The following SYT1 variants were observed in gnomAD, a reference collection of about 807,000 sequenced individuals.
The protein encoded by SYT1 is synaptotagmin 1.
SYT1 carries 8 observed loss-of-function variants against 44.8 expected under a neutral mutation model. The ratio of observed to expected loss-of-function variants is 0.18; its 90% CI spans 0.10 to 0.32. The LOEUF is 0.32. Among genes scored for constraint, SYT1 ranks in the 10% least tolerant of loss-of-function variants. The pLI, the probability that SYT1 is intolerant of heterozygous loss-of-function variation, is 1.00. For missense variants in SYT1, 286 were observed against 509.3 expected (o/e 0.56, Z 4.22); for synonymous variants, 154 against 188.8 (o/e 0.82, Z 1.51).
rs189687362 is a variant in SYT1 at position 79,026,766 on chromosome 12, T to C, written c.-83-20531T>C. On this transcript the variant is annotated intron_variant, in intron 2 of 10. Transcript: ENST00000261205. ...GGTTGTTTCCATTTCTTAGCTATTGTGAATAATGCTGCAAGAAATATGAAG... is the reference window on the plus strand; with the variant it reads ...GGTTGTTTCCATTTCTTAGCTATTGCGAATAATGCTGCAAGAAATATGAAG... Among the ~76,000 whole-genome samples, 309 of 148,262 alleles carry C rather than the reference T, an allele frequency of 2.1e-3. 3 individuals are homozygous for C. The highest frequency in any genetic ancestry group is 7.4e-3 in the African/African-American group (302 of 40,634).
intron 8 of SYT1, among the ~76,000 whole-genome samples, chr12:79,336,427 C>G (rs1171688227): frequency 1.3e-5 from 2 of 152,156 alleles, no homozygotes; most frequent in African/African-American, 4.8e-5. Context: ...TTCTCTTCCT[C>G]AAGCTTCTTT....
chr12:79,388,426 G>T (rs1884523750), intron 9 of SYT1, among the ~76,000 whole-genome samples: 2 of 152,158 alleles, frequency 1.3e-5, no homozygotes, highest in Admixed American at 1.3e-4. Flanking sequence ...CAGTCACAGT[G>T]GCTCACATCT....
At chr12:79,326,447 G>A (rs1881610048) in intron 8 of SYT1, among the ~76,000 whole-genome samples, 1 of 152,236 alleles carries the variant, frequency 6.6e-6, no homozygotes, top group Admixed American at 6.5e-5. Flanking sequence ...AGAGCAGCCA[G>A]CTGCAAGCAT....
intron 4 of SYT1, among the ~76,000 whole-genome samples, chr12:79,237,276 G>A (rs1464208718): frequency 2.0e-5 from 3 of 152,170 alleles, no homozygotes; most frequent in African/African-American, 7.2e-5. Context: ...TGGACAATAC[G>A]AGAAAGAGTT....
chr12:79,382,624 G>A (rs1390761306), intron 9 of SYT1, among the ~76,000 whole-genome samples: 2 of 152,100 alleles, frequency 1.3e-5, no homozygotes, highest in Non-Finnish European at 2.9e-5. Flanking sequence ...ACAAAAATGC[G>A]ATAGTGTACA....
At chr12:79,322,873 G>A (rs889249698) in intron 8 of SYT1, among the ~76,000 whole-genome samples, 14 of 152,114 alleles carry the variant, frequency 9.2e-5, no homozygotes, top group African/African-American at 3.4e-4. Context: ...AACCCAGTAA[G>A]ACCCTCCTGA....
chr12:79,215,354 A>G (rs1476925162), intron 3 of SYT1, among the ~76,000 whole-genome samples: 1 of 152,194 alleles, frequency 6.6e-6, no homozygotes, highest in Non-Finnish European at 1.5e-5. Context: ...AATATGCCAG[A>G]CACTATGCTA....
chr12:78,987,980 A>G (rs1869767160), intron 2 of SYT1, among the ~76,000 whole-genome samples: 1 of 152,104 alleles, frequency 6.6e-6, no homozygotes, highest in Non-Finnish European at 1.5e-5. Flanking sequence ...AGGTAATGGA[A>G]CTGTGGAGGG....
At chr12:79,009,993 C>T (rs778185420) in intron 2 of SYT1, among the ~76,000 whole-genome samples, 1 of 152,102 alleles carries the variant, frequency 6.6e-6, no homozygotes, top group African/African-American at 2.4e-5. Flanking sequence ...TTCTTACTTG[C>T]CTTTCAGTGT....
intron 3 of SYT1, among the ~76,000 whole-genome samples, chr12:79,182,318 T>C (rs1219695297): frequency 6.6e-6 from 1 of 152,066 alleles, no homozygotes. Context: ...CTGTGATTTT[T>C]TGGGACACTT....
intron 2 of SYT1, among the ~76,000 whole-genome samples, chr12:79,017,882 C>T (rs1170786854): frequency 6.6e-6 from 1 of 151,878 alleles, no homozygotes. Context: ...ATGGCATGGT[C>T]CAGGCCAAAG....
chr12:79,185,114 T>C (rs1206514813), intron 3 of SYT1, among the ~76,000 whole-genome samples: 2 of 152,080 alleles, frequency 1.3e-5, no homozygotes, highest in Non-Finnish European at 2.9e-5. Flanking sequence ...GGAGCACTAG[T>C]TATGCTCAGA....
At chr12:78,892,745 G>A (rs12580819) in intron 1 of SYT1, among the ~76,000 whole-genome samples, 1 of 151,622 alleles carries the variant, frequency 6.6e-6, no homozygotes, top group East Asian at 1.9e-4. Context: ...ATTTAATTTA[G>A]CAATACATTA....
intron 8 of SYT1, among the ~76,000 whole-genome samples, chr12:79,316,859 A>T (rs1202697963): frequency 1.3e-5 from 2 of 152,188 alleles, no homozygotes; most frequent in African/African-American, 4.8e-5. Context: ...TTTGCACATC[A>T]CAGTAATTAG....
chr12:79,174,548 G>T (rs1871742013), intron 3 of SYT1, among the ~76,000 whole-genome samples: 2 of 151,998 alleles, frequency 1.3e-5, no homozygotes. Context: ...TGATTTATGA[G>T]ACACTAGCAA....
chr12:78,997,831 T>C (rs1309019453), intron 2 of SYT1, among the ~76,000 whole-genome samples: 1 of 152,156 alleles, frequency 6.6e-6, no homozygotes, highest in Admixed American at 6.5e-5. Flanking sequence ...AGCAGCCTCA[T>C]GGAAAGAGAA....
rs371338639 is a variant in SYT1 at position 79,155,580 on chromosome 12, G to A, written c.-17-61923G>A. On this transcript the variant is annotated intron_variant, in intron 3 of 10. Coordinates refer to ENST00000261205, the MANE Select transcript of SYT1 (RefSeq NM_005639.3). ...TAAAATCTGTGAGTAATTTAGTAGT[G>A]TCCTAGATTCACAGTGATGTCCCTA... is the stretch of plus-strand genomic sequence containing the variant. 2.0e-5 allele frequency among the ~76,000 whole-genome samples: 3 copies of A among 152,314 alleles called. No homozygotes were observed. The South Asian group carries it at 6.2e-4, about 32-fold the overall frequency.
chr12:79,081,967 T>G (rs1270672885), intron 3 of SYT1, among the ~76,000 whole-genome samples: 2 of 152,034 alleles, frequency 1.3e-5, no homozygotes, highest in African/African-American at 4.8e-5. Flanking sequence ...CAAAAATATA[T>G]AGAAAAAATA....
intron 9 of SYT1, among the ~76,000 whole-genome samples, chr12:79,431,812 G>T (rs1869806946): frequency 6.6e-6 from 1 of 152,128 alleles, no homozygotes; most frequent in Admixed American, 6.5e-5. Flanking sequence ...CAAAGTGCTG[G>T]GATTACAGGC....
Sources: gnomAD v4.1 joint callset for allele counts (sites outside exome capture counted in the v4.1 genomes callset) on GRCh38, gnomAD v4.1.1 for gene constraint, MANE v1.5 for transcripts, NCBI Gene and HGNC (gene_info 2026-07-23, HGNC 2026-07-21) for gene names.